The following RGS5 variants were observed in gnomAD, a reference collection of about 807,000 sequenced individuals.
RGS5 encodes the protein regulator of G-protein signalling 5.
In RGS5, 20 loss-of-function variants were observed where a neutral mutation model predicts 18.9. The observed-to-expected ratio is 1.06, with a 90% confidence interval of 0.74 to 1.54. The LOEUF is 1.54. Ranked by LOEUF, RGS5 falls within the 40% of genes most tolerant of loss-of-function variation. The pLI is 0.00. For synonymous variants in RGS5, 57 were observed against 76.2 expected (o/e 0.75, Z 1.31); for missense variants, 201 against 211.8 (o/e 0.95, Z 0.32).
rs1649245695 is a variant in RGS5 at position 163,290,207 on chromosome 1, A to G, written c.-281+16026T>C. Among the ~76,000 whole-genome samples the G allele has an allele frequency of 2.6e-5, 4 of 152,192 alleles. No individual in the cohort carries two copies. The South Asian group carries it at 8.3e-4, about 31-fold the overall frequency. On this transcript the variant is annotated intron_variant, in intron 2 of 5. Transcript: ENST00000618415. ...AACCCCACGCATTTCACCACAAAGCAGAAGACACACCTGGGAGCACTTCTC... is the reference window on the plus strand; with the variant it reads ...AACCCCACGCATTTCACCACAAAGCGGAAGACACACCTGGGAGCACTTCTC...
chr1:163,288,782 GAC>G (rs1232515268), intron 2 of RGS5, among the ~76,000 whole-genome samples: 1 of 152,138 alleles, frequency 6.6e-6, no homozygotes, highest in Non-Finnish European at 1.5e-5. Context: ...CAACTTGGAT[GAC>G]ACACAGGTAT....
At chr1:163,212,603 G>A (rs1192717735) in intron 1 of RGS5, 1 of 152,230 alleles carries the variant, frequency 6.6e-6, no homozygotes. Context: ...GCCTGCCACT[G>A]ACACACAGCA....
intron 1 of RGS5, among the ~76,000 whole-genome samples, chr1:163,309,771 C>A (rs1358778983): frequency 6.6e-6 from 1 of 152,176 alleles, no homozygotes; most frequent in Non-Finnish European, 1.5e-5. Flanking sequence ...ATGGTGAATC[C>A]TTTCCAGAAG....
At chr1:163,204,456 C>T (rs150363470), upstream of RGS5, among the ~76,000 whole-genome samples, 491 of 152,094 alleles carry the variant, frequency 3.2e-3, 4 homozygotes, top group African/African-American at 0.011. Flanking sequence ...CACAAGCGAT[C>T]CTCCCACCTT....
chr1:163,161,845 A>C (rs1657809783), intron 3 of RGS5, 70 bp downstream of exon 3: 1 of 1,182,706 alleles, frequency 8.5e-7, no homozygotes, highest in African/African-American at 1.5e-5. Context: ...AACACAGGTA[A>C]TACAAAGATG....
intron 1 of RGS5, among the ~76,000 whole-genome samples, chr1:163,214,197 C>T (rs1374082654): frequency 1.3e-5 from 2 of 152,108 alleles, no homozygotes; most frequent in Non-Finnish European, 2.9e-5. Flanking sequence ...CACCAAGAAA[C>T]TAAATGTTCT....
At chr1:163,253,824 C>T (rs1405436637) in intron 2 of RGS5, among the ~76,000 whole-genome samples, 1 of 149,644 alleles carries the variant, frequency 6.7e-6, no homozygotes, top group East Asian at 2.0e-4. Context: ...CAACTGTCCC[C>T]AGACTGTGAT....
chr1:163,171,934 C>G (rs2102405463), intron 1 of RGS5, among the ~76,000 whole-genome samples: 1 of 152,270 alleles, frequency 6.6e-6, no homozygotes, highest in Admixed American at 6.5e-5. Flanking sequence ...CAGAGGAGCA[C>G]CAGTGTCCAC....
chr1:163,241,960 C>A (rs1338167377), intron 2 of RGS5, among the ~76,000 whole-genome samples: 2 of 152,134 alleles, frequency 1.3e-5, no homozygotes, highest in East Asian at 3.8e-4. Flanking sequence ...CAAGATTGAA[C>A]TAGATTAATT....
At chr1:163,180,602 T>C (rs567274689) in intron 1 of RGS5, among the ~76,000 whole-genome samples, 1 of 149,636 alleles carries the variant, frequency 6.7e-6, no homozygotes, top group African/African-American at 2.4e-5. Context: ...AACACACAGA[T>C]TATTGCTACA....
rs146672930 is a variant in RGS5 at position 163,174,254 on chromosome 1, G to A, written c.45-5886C>T. ...GGCATTTATATCTCCATATGTATAT[G>A]TATATGCGAATATTGTCTATCTCTC... On this transcript the variant is annotated intron_variant, in intron 1 of 4. Coordinates refer to ENST00000313961, the MANE Select transcript of RGS5 (RefSeq NM_003617.4). 2.7e-3 allele frequency among the ~76,000 whole-genome samples: 418 copies of A among 152,276 alleles called. 1 individual carries two copies. Among genetic ancestry groups the A allele is most frequent in the African/African-American group, 9.5e-3 (394 of 41,550 alleles).
At chr1:163,174,921 A>G (rs1658481278) in intron 1 of RGS5, among the ~76,000 whole-genome samples, 1 of 152,160 alleles carries the variant, frequency 6.6e-6, no homozygotes, top group Non-Finnish European at 1.5e-5. Flanking sequence ...CACATTTCCA[A>G]AAGAGGTGTC....
chr1:163,260,799 C>G (rs1434991584), intron 2 of RGS5: 2 of 152,126 alleles, frequency 1.3e-5, no homozygotes, highest in African/African-American at 2.4e-5. Context: ...GTTTCCTGTA[C>G]TAGACTGTGA....
At chr1:163,184,364 G>A (rs1262015869) in intron 1 of RGS5, among the ~76,000 whole-genome samples, 1 of 149,436 alleles carries the variant, frequency 6.7e-6, no homozygotes, top group Non-Finnish European at 1.5e-5. Context: ...AAGCCACAGA[G>A]AGTGTTAGGA....
At chr1:163,176,598 G>C (rs1375436123) in intron 1 of RGS5, among the ~76,000 whole-genome samples, 1 of 140,762 alleles carries the variant, frequency 7.1e-6, no homozygotes, top group Non-Finnish European at 1.5e-5. Context: ...TCCAGTCTGG[G>C]CAACAAGAGT....
In RGS5 at chr1:163,152,645, A is replaced by T; in HGVS notation, c.289T>A (p.Cys97Ser). The T allele has an allele frequency of 1.2e-6, 2 of 1,612,970 alleles. No individual in the cohort carries two copies. The highest frequency in any genetic ancestry group is 1.7e-6 in the Non-Finnish European group (2 of 1,179,354). The change falls in exon 4 of 5, where the codon TGT (cysteine) becomes AGT (serine). Residue 97 changes from cysteine to serine, a missense_variant. Coordinates refer to ENST00000313961, the MANE Select transcript of RGS5 (RefSeq NM_003617.4). ...SEENLEFWIA[C>S]EDYKKIKSPA... Reference sequence around the variant, plus strand: ...GACTTGATCTTCTTGTAATCCTCACAGGCAATCCAGAACTCAAGGTTTTCC... The same window carrying T: ...GACTTGATCTTCTTGTAATCCTCACTGGCAATCCAGAACTCAAGGTTTTCC...
intron 1 of RGS5, among the ~76,000 whole-genome samples, chr1:163,311,374 T>C (rs946561737): frequency 1.3e-5 from 2 of 152,226 alleles, no homozygotes; most frequent in African/African-American, 4.8e-5. Flanking sequence ...ACAAGCACTT[T>C]TAATTTCCTC....
intron 1 of RGS5, among the ~76,000 whole-genome samples, chr1:163,175,292 G>C (rs1479285257): frequency 6.6e-6 from 1 of 152,132 alleles, no homozygotes; most frequent in Non-Finnish European, 1.5e-5. Flanking sequence ...GACTGACAGA[G>C]GGAAGAGGGC....
chr1:163,151,940 T>A (rs1378092299), intron 4 of RGS5, among the ~76,000 whole-genome samples: 1 of 152,196 alleles, frequency 6.6e-6, no homozygotes, highest in Non-Finnish European at 1.5e-5. Flanking sequence ...GACCCAAGTC[T>A]AAACACAAAG....
Sources: allele counts gnomAD v4.1 joint callset (sites outside exome capture counted in the v4.1 genomes callset), GRCh38; gene constraint gnomAD v4.1.1; transcripts MANE v1.5; gene names NCBI Gene and HGNC (gene_info 2026-07-23, HGNC 2026-07-21).